The following ZFAND3 variants were observed in gnomAD, a reference collection of about 807,000 sequenced individuals.
The protein encoded by ZFAND3 is zinc finger AN1-type containing 3.
A neutral mutation model predicts 29.6 loss-of-function variants in ZFAND3; 10 were observed. The observed-to-expected ratio is 0.34, with a 90% CI of 0.21 to 0.57. ZFAND3 has a LOEUF of 0.57. ZFAND3 is among the 20% of genes least tolerant of loss of function. The probability of loss-of-function intolerance (pLI) is 0.86; values close to 1 mark genes in which losing one functional copy is unlikely to be tolerated. For missense variants in ZFAND3, 230 were observed against 304.5 expected (o/e 0.76, Z 1.82); for synonymous variants, 128 against 112.6 (o/e 1.14, Z -0.87).
At chr6:38,007,317 T>C (rs1342929865) in intron 2 of ZFAND3, among the ~76,000 whole-genome samples, 10 of 152,148 alleles carry the variant, frequency 6.6e-5, no homozygotes, top group South Asian at 2.1e-4. Flanking sequence ...CCTAGCACTT[T>C]GGGAGGCCAA....
intron 2 of ZFAND3, among the ~76,000 whole-genome samples, chr6:37,983,262 C>A (rs1329306650): frequency 6.6e-6 from 1 of 151,004 alleles, no homozygotes; most frequent in East Asian, 1.9e-4. Flanking sequence ...CATTTACTGA[C>A]CATTCACTTA....
At chr6:38,060,661 T>C (rs115915218) in intron 2 of ZFAND3, among the ~76,000 whole-genome samples, 266 of 152,320 alleles carry the variant, frequency 1.7e-3, no homozygotes, top group Non-Finnish European at 3.2e-3. Context: ...GTGTTGCCCA[T>C]GTTCGTCTCA....
chr6:37,830,457 C>A (rs1426578274), intron 1 of ZFAND3, among the ~76,000 whole-genome samples: 1 of 152,198 alleles, frequency 6.6e-6, no homozygotes, highest in South Asian at 2.1e-4. Flanking sequence ...ATGTGAGTCC[C>A]CTGGGACCTT....
chr6:38,151,929 G>A (rs1032115882), intron 5 of ZFAND3, among the ~76,000 whole-genome samples: 5 of 152,138 alleles, frequency 3.3e-5, no homozygotes, highest in African/African-American at 1.2e-4. Flanking sequence ...TGGTGCTGGA[G>A]AGGAGCGCAG....
chr6:38,075,820 C>G (rs1197529142), intron 3 of ZFAND3, among the ~76,000 whole-genome samples: 2 of 152,112 alleles, frequency 1.3e-5, no homozygotes, highest in Admixed American at 6.5e-5. Flanking sequence ...GGCGCAATCT[C>G]TGCTCACTGC....
chr6:38,154,244 AG>A lies in ZFAND3; in HGVS notation c.*1856del. 1 of 985,460 alleles carries A rather than the reference AG, an allele frequency of 1.0e-6. No homozygotes were observed. Among genetic ancestry groups the A allele is most frequent in the Non-Finnish European group, 1.2e-6 (1 of 829,962 alleles). The allele number at this position is 985,460 out of a possible 1,614,324, so 61.0% of individuals were successfully genotyped here. A position where few individuals can be genotyped will look rare whatever the true frequency, so the allele number is the denominator to read the frequency against. The stretch of plus-strand genomic sequence containing the variant: ...GCTCTGGTCCCGAAGAGGCTGTGCG[AG>A]CCCTTCCCGGCCCTCCCCAGGGCCC... On this transcript the variant is annotated 3_prime_UTR_variant, in exon 6 of 6. Coordinates refer to ENST00000287218, the MANE Select transcript of ZFAND3 (RefSeq NM_021943.3).
At chr6:38,014,236 AAAG>A (rs1329363696) in intron 2 of ZFAND3, among the ~76,000 whole-genome samples, 1 of 152,078 alleles carries the variant, frequency 6.6e-6, no homozygotes, top group Non-Finnish European at 1.5e-5. Context: ...GTTTTGTTAA[AAAG>A]AGAGAGAGAA....
chr6:38,070,925 TCTC>T (rs1037915465), intron 3 of ZFAND3, among the ~76,000 whole-genome samples: 2 of 152,022 alleles, frequency 1.3e-5, no homozygotes, highest in Non-Finnish European at 2.9e-5. Flanking sequence ...TTTCCAGACA[TCTC>T]CTGATAGTGA....
chr6:38,127,863 C>G (rs1765664463), intron 5 of ZFAND3, among the ~76,000 whole-genome samples: 1 of 152,184 alleles, frequency 6.6e-6, no homozygotes, highest in Non-Finnish European at 1.5e-5. Flanking sequence ...GCCTGCTCCT[C>G]CCTTCCTTCA....
chr6:38,010,213 TG>T (rs1387559264), intron 2 of ZFAND3, among the ~76,000 whole-genome samples: 8 of 152,208 alleles, frequency 5.3e-5, no homozygotes, highest in Non-Finnish European at 1.2e-4. Flanking sequence ...TCACTCATTC[TG>T]GAACCGTTTA....
intron 2 of ZFAND3, among the ~76,000 whole-genome samples, chr6:38,057,837 C>A (rs1448527778): frequency 2.6e-5 from 4 of 152,148 alleles, no homozygotes; most frequent in African/African-American, 7.2e-5. Flanking sequence ...TTCTGTGATT[C>A]CTGGATTCTT....
intron 1 of ZFAND3, among the ~76,000 whole-genome samples, chr6:37,908,919 T>TA (rs1447355315): frequency 2.0e-5 from 3 of 152,188 alleles, no homozygotes; most frequent in African/African-American, 7.2e-5. Flanking sequence ...CTTGAAATAA[T>TA]TATTACATTG....
intron 4 of ZFAND3, among the ~76,000 whole-genome samples, chr6:38,109,277 C>T (rs573210775): frequency 1.7e-4 from 25 of 151,010 alleles, no homozygotes; most frequent in South Asian, 2.1e-4. Context: ...CCACCTCCTG[C>T]GTTCAAGCGA....
intron 4 of ZFAND3, among the ~76,000 whole-genome samples, chr6:38,110,682 C>G (rs1270735026): frequency 2.0e-5 from 3 of 152,194 alleles, no homozygotes; most frequent in Non-Finnish European, 4.4e-5. Context: ...ACCTCAAGAG[C>G]TGTCATAGAG....
At chr6:37,851,990 G>C (rs1033612937) in intron 1 of ZFAND3, among the ~76,000 whole-genome samples, 4 of 152,140 alleles carry the variant, frequency 2.6e-5, no homozygotes, top group African/African-American at 9.7e-5. Context: ...AAATAATTTT[G>C]ATCTAACTTC....
At chr6:37,992,684 C>CTTT (rs1762779774) in intron 2 of ZFAND3, among the ~76,000 whole-genome samples, 3 of 152,066 alleles carry the variant, frequency 2.0e-5, no homozygotes, top group Non-Finnish European at 4.4e-5. Flanking sequence ...GAATATACAG[C>CTTT]CCCATTCAAA....
intron 2 of ZFAND3, among the ~76,000 whole-genome samples, chr6:38,058,793 T>C (rs1021107067): frequency 6.6e-6 from 1 of 152,256 alleles, no homozygotes; most frequent in African/African-American, 2.4e-5. Context: ...TCAATTTCTT[T>C]ATCATTAAAA....
intron 1 of ZFAND3, among the ~76,000 whole-genome samples, chr6:37,903,066 AT>A (rs1165945474): frequency 6.6e-6 from 1 of 152,162 alleles, no homozygotes; most frequent in African/African-American, 2.4e-5. Flanking sequence ...AAAAGTATTC[AT>A]TTTTAAAAGG....
At position 38,061,738 on chromosome 6, in the gene ZFAND3, G is replaced by T. The variant is rs1191934123; in HGVS notation, c.258G>T (p.Pro86=). Reference sequence around the variant, plus strand: ...TTAGTCCCAGCCAGCAGCCGCTTCCGACAGAACTGAATGTAACTTCACCGA... The same window carrying T: ...TTAGTCCCAGCCAGCAGCCGCTTCCTACAGAACTGAATGTAACTTCACCGA... The part of the protein sequence containing the change: ...PTLSPSQQPL[P]TELNVTSPSK... Residue 86 remains proline, a synonymous_variant, in exon 3 of 6, where the codon CCG becomes CCT. Coordinates refer to ENST00000287218, the MANE Select transcript of ZFAND3 (RefSeq NM_021943.3). 1 of 1,614,092 alleles carries T rather than the reference G, an allele frequency of 6.2e-7. No homozygotes were observed. The highest frequency in any genetic ancestry group is 8.5e-7 in the Non-Finnish European group (1 of 1,180,018).
Sources: gnomAD v4.1 joint callset for allele counts (sites outside exome capture counted in the v4.1 genomes callset) on GRCh38, gnomAD v4.1.1 for gene constraint, MANE v1.5 for transcripts, NCBI Gene and HGNC (gene_info 2026-07-23, HGNC 2026-07-21) for gene names.